PPFIA2: variants seen among roughly 807,000 people sequenced by gnomAD.
The protein encoded by PPFIA2 is PPFI scaffold protein A2.
A neutral mutation model predicts 175.5 loss-of-function variants in PPFIA2; 46 were observed. The ratio of observed to expected loss-of-function variants is 0.26; its 90% CI spans 0.21 to 0.34. PPFIA2 has a LOEUF of 0.34. Among genes scored for constraint, PPFIA2 ranks in the 10% least tolerant of loss-of-function variants. PPFIA2 has a pLI of 1.00. For synonymous variants in PPFIA2, 568 were observed against 511.4 expected (o/e 1.11, Z -1.49); for missense variants, 1,179 against 1,506.1 (o/e 0.78, Z 3.60).
intron 5 of PPFIA2, among the ~76,000 whole-genome samples, chr12:81,452,997 A>T (rs879218871): frequency 2.1e-5 from 3 of 146,018 alleles, no homozygotes; most frequent in South Asian, 2.1e-4. Flanking sequence ...CTTTTTTTTT[A>T]ATTTTTTTTT....
chr12:81,401,940 A>T (rs1365626940), intron 8 of PPFIA2, among the ~76,000 whole-genome samples: 1 of 152,222 alleles, frequency 6.6e-6, no homozygotes, highest in South Asian at 2.1e-4. Context: ...AGTTAAGTGT[A>T]TTTTTTCTTT....
In PPFIA2 at chr12:81,369,053, T is replaced by C. The variant is rs1321414479; in HGVS notation, c.1350+58A>G. 2.1e-6 allele frequency: 3 copies of C among 1,411,510 alleles called. No individual in the cohort carries two copies. The Admixed American group carries it at 6.0e-5, about 28-fold the overall frequency. The allele number at this position is 1,411,510 out of a possible 1,614,324, so 87.4% of individuals were successfully genotyped here. On this transcript the variant is annotated intron_variant, in intron 12 of 32. Coordinates refer to ENST00000549396, the MANE Select transcript of PPFIA2 (RefSeq NM_003625.5). ...CTCAGTTAAAGGCTTTCTTCTTATATACAGAATACGAATTCATAAACCAAT... is the reference window on the plus strand; with the variant it reads ...CTCAGTTAAAGGCTTTCTTCTTATACACAGAATACGAATTCATAAACCAAT...
chr12:81,658,725 T>C lies in PPFIA2; in HGVS notation c.303+18066A>G, dbSNP rs369884385. Among the ~76,000 whole-genome samples the C allele has an allele frequency of 1.8e-4, 28 of 152,074 alleles. 1 individual carries two copies. The South Asian group carries it at 5.6e-3, about 30-fold the overall frequency. On this transcript the variant is annotated intron_variant, in intron 4 of 32. Coordinates refer to ENST00000549396, the MANE Select transcript of PPFIA2 (RefSeq NM_003625.5). ...AAATATGTTACATATGTTTTATATA[T>C]GTTTAAGGGTTGTATATAAATGCCT...
chr12:81,527,427 A>C (rs1439719761), intron 4 of PPFIA2, among the ~76,000 whole-genome samples: 1 of 151,942 alleles, frequency 6.6e-6, no homozygotes, highest in African/African-American at 2.4e-5. Flanking sequence ...CATTGTATTG[A>C]CTTCCACTTT....
rs200740838 is a variant in PPFIA2 at position 81,571,606 on chromosome 12, G to A, written c.303+105185C>T. ...TGCTGGATTATAATAAAGGTCAACT[G>A]GTTAATATGCATGGGTAAACCACTT... is the stretch of plus-strand genomic sequence containing the variant. On this transcript the variant is annotated intron_variant, in intron 4 of 32. Transcript: ENST00000549396. Among the ~76,000 whole-genome samples, 6 of 152,044 alleles carry A rather than the reference G, an allele frequency of 3.9e-5. No homozygotes were observed. In the East Asian group the frequency reaches 5.8e-4, roughly 15 times the overall value.
chr12:81,665,063 G>A (rs1470313984), intron 4 of PPFIA2, among the ~76,000 whole-genome samples: 1 of 151,936 alleles, frequency 6.6e-6, no homozygotes, highest in Non-Finnish European at 1.5e-5. Flanking sequence ...GGGAGGGATA[G>A]CATTAGGAGA....
chr12:81,492,882 A>C (rs1290686282), intron 4 of PPFIA2, among the ~76,000 whole-genome samples: 1 of 152,118 alleles, frequency 6.6e-6, no homozygotes, highest in East Asian at 1.9e-4. Flanking sequence ...TATTGAAAGA[A>C]TCTGGAAAAA....
At position 81,302,763 on chromosome 12, in the gene PPFIA2, CATT is replaced by C. The variant is rs2048184915; in HGVS notation, c.2643-3384_2643-3382del. 8 of 414,008 alleles carry C rather than the reference CATT, an allele frequency of 1.9e-5. 1 individual carries two copies. The highest frequency in any genetic ancestry group is 1.2e-4 in the South Asian group (7 of 57,746). The allele number at this position is 414,008 out of a possible 1,614,324, so 25.6% of individuals were successfully genotyped here. A position where few individuals can be genotyped will look rare whatever the true frequency, so the allele number is the denominator to read the frequency against. On this transcript the variant is annotated intron_variant, in intron 22 of 32. Transcript: ENST00000549396. ...AAATTTACAAAGCAATATTGCCTTGCATTATTATTTTTAATTATAAAATAATCG... is the reference window on the plus strand; with the variant it reads ...AAATTTACAAAGCAATATTGCCTTGCATTATTTTTAATTATAAAATAATCG...
intron 7 of PPFIA2, among the ~76,000 whole-genome samples, chr12:81,414,093 A>C (rs1175523879): frequency 6.6e-6 from 1 of 151,820 alleles, no homozygotes; most frequent in African/African-American, 2.4e-5. Context: ...AACACAGAGG[A>C]AATATGTAAT....
At chr12:81,595,477 A>G (rs557569781) in intron 4 of PPFIA2, among the ~76,000 whole-genome samples, 85 of 152,240 alleles carry the variant, frequency 5.6e-4, no homozygotes, top group Admixed American at 1.8e-3. Flanking sequence ...TACAGTGCAA[A>G]TTGAGTGCTG....
At chr12:81,635,760 G>A (rs2063918930) in intron 4 of PPFIA2, among the ~76,000 whole-genome samples, 1 of 152,142 alleles carries the variant, frequency 6.6e-6, no homozygotes. Context: ...AAGCTAGATT[G>A]CCTATAACCT....
At chr12:81,707,628 T>A (rs2077358166) in intron 3 of PPFIA2, among the ~76,000 whole-genome samples, 2 of 148,964 alleles carry the variant, frequency 1.3e-5, no homozygotes, top group Non-Finnish European at 3.0e-5. Context: ...TCCTCAGGGA[T>A]CTAGAACTAG....
intron 3 of PPFIA2, among the ~76,000 whole-genome samples, chr12:81,735,323 T>C (rs2081433830): frequency 6.6e-6 from 1 of 151,806 alleles, no homozygotes; most frequent in African/African-American, 2.4e-5. Context: ...AAATGTGGTT[T>C]TAATTTGAAA....
intron 27 of PPFIA2, 24 bp from the exon 28 acceptor site, chr12:81,277,438 A>T (rs2040807645): frequency 1.3e-6 from 2 of 1,490,634 alleles, no homozygotes; most frequent in East Asian, 2.5e-5. Context: ...TAAAAAAAAA[A>T]AAACACAGTG....
At chr12:81,444,206 C>G (rs115928965) in intron 6 of PPFIA2, among the ~76,000 whole-genome samples, 1 of 152,162 alleles carries the variant, frequency 6.6e-6, no homozygotes, top group Non-Finnish European at 1.5e-5. Flanking sequence ...CACACAGTCA[C>G]AGCTTTTTCT....
At chr12:81,475,759 C>A (rs1202775917) in intron 4 of PPFIA2, among the ~76,000 whole-genome samples, 2 of 152,198 alleles carry the variant, frequency 1.3e-5, no homozygotes, top group East Asian at 3.9e-4. Flanking sequence ...GTCGCCCAGG[C>A]TGGAGTGTAG....
intron 4 of PPFIA2, among the ~76,000 whole-genome samples, chr12:81,572,841 G>C (rs1486828892): frequency 6.6e-6 from 1 of 151,986 alleles, no homozygotes; most frequent in Non-Finnish European, 1.5e-5. Context: ...GTGTGTGTGT[G>C]TGTTCAGAAA....
intron 4 of PPFIA2, among the ~76,000 whole-genome samples, chr12:81,640,761 T>G (rs2064854346): frequency 6.6e-6 from 1 of 152,140 alleles, no homozygotes; most frequent in African/African-American, 2.4e-5. Context: ...AATAATAAAC[T>G]CATGCCATTT....
chr12:81,405,396 G>C (rs1202902277), intron 8 of PPFIA2, among the ~76,000 whole-genome samples: 1 of 151,794 alleles, frequency 6.6e-6, no homozygotes, highest in Non-Finnish European at 1.5e-5. Flanking sequence ...GTGTTGTTTT[G>C]CACTTAAAAT....
Sources: allele counts gnomAD v4.1 joint callset (sites outside exome capture counted in the v4.1 genomes callset), GRCh38; gene constraint gnomAD v4.1.1; transcripts MANE v1.5; gene names NCBI Gene and HGNC (gene_info 2026-07-23, HGNC 2026-07-21).